Variants in AKNA observed in about 807,000 individuals in gnomAD.
AKNA encodes the protein microtubule organization protein AKNA.
Under a neutral mutation model 138.8 loss-of-function variants are expected in AKNA, and 67 were observed. The ratio of observed to expected loss-of-function variants is 0.48; its 90% confidence interval spans 0.40 to 0.59. The LOEUF is 0.59. Ranked by LOEUF, AKNA falls within the 20% of genes least tolerant of loss-of-function variation. AKNA has a pLI of 0.00. For missense variants in AKNA, 1,813 were observed against 1,880.4 expected (o/e 0.96, Z 0.66); for synonymous variants, 737 against 754.4 (o/e 0.98, Z 0.38).
chr9:114,376,685 C>G lies in AKNA; in HGVS notation c.1122G>C (p.Glu374Asp). ...VGPRVRFPKD[E>D]SYRPPKSRSH... ...TTCTGGACTTGGGGGGACGGTAGCT[C>G]TCATCTTTGGGGAATCTCACCCGGG... Residue 374 changes from glutamate (E) to aspartate (D), a missense_variant, in exon 3 of 22, where the codon GAG becomes GAC. Glu to Asp is a conservative substitution (Grantham distance 45, BLOSUM62 2). Coordinates refer to ENST00000374088, the MANE Select transcript of AKNA (RefSeq NM_001317950.2). 1.2e-6 allele frequency: 2 copies of G among 1,613,174 alleles called. No individual in the cohort carries two copies. Among genetic ancestry groups the G allele is most frequent in the East Asian group, 2.2e-5 (1 of 44,840 alleles).
At chr9:114,382,133 G>A (rs952812319) in intron 1 of AKNA, among the ~76,000 whole-genome samples, 2 of 152,190 alleles carry the variant, frequency 1.3e-5, no homozygotes, top group African/African-American at 4.8e-5. Flanking sequence ...CGATCACCAG[G>A]CAACTACAAA....
chr9:114,378,623 C>G lies in AKNA; in HGVS notation c.275-1091G>C, dbSNP rs1220602245. Among the ~76,000 whole-genome samples, 5 of 152,004 alleles carry G rather than the reference C, an allele frequency of 3.3e-5. No homozygotes were observed. The East Asian group carries it at 9.6e-4, about 29-fold the overall frequency. On this transcript the variant is annotated intron_variant, in intron 2 of 21. Coordinates refer to ENST00000374088, the MANE Select transcript of AKNA (RefSeq NM_001317950.2). ...GAGGAAGATAAGGTATATAAAGCCC[C>G]CAGGAAATAGATAGTTATTGTAATT... is the stretch of plus-strand genomic sequence containing the variant.
intron 18 of AKNA, 45 bp downstream of exon 18, chr9:114,345,818 T>G: frequency 1.3e-6 from 2 of 1,594,114 alleles, no homozygotes; most frequent in East Asian, 4.5e-5. Flanking sequence ...GAGCCCCCGC[T>G]GACACCAGGA....
chr9:114,359,751 C>T lies in AKNA; in HGVS notation c.2335G>A (p.Glu779Lys), dbSNP rs889110027. The T allele has an allele frequency of 7.5e-6, 12 of 1,602,596 alleles. No individual in the cohort carries two copies. Among genetic ancestry groups the T allele is most frequent in the Admixed American group, 1.7e-5 (1 of 59,342 alleles). Residue 779 changes from glutamate (E) to lysine (K), a missense_variant, in exon 11 of 22, where the codon GAG becomes AAG. By Grantham distance (56) the Glu-to-Lys change is moderately conservative. Coordinates refer to ENST00000374088, the MANE Select transcript of AKNA (RefSeq NM_001317950.2). The part of the protein sequence containing the change: ...KSLPEAMRME[E>K]EEEGEEEEEE... ...TCCTCCTCCTCTCCTTCTTCCTCCTCCTCCATTCTCATGGCTTCTGGGAGA... is the reference window on the plus strand; with the variant it reads ...TCCTCCTCCTCTCCTTCTTCCTCCTTCTCCATTCTCATGGCTTCTGGGAGA...
chr9:114,330,873 G>T (rs1829840685), downstream of AKNA: 2 of 1,612,292 alleles, frequency 1.2e-6, no homozygotes, highest in Non-Finnish European at 1.7e-6. Flanking sequence ...GTGAGGGCCA[G>T]CCCTCAGGCA....
chr9:114,352,942 T>C (rs1412721956), intron 14 of AKNA, among the ~76,000 whole-genome samples: 1 of 151,922 alleles, frequency 6.6e-6, no homozygotes, highest in African/African-American at 2.4e-5. Context: ...AAGATGAACC[T>C]TTTAGGCAAA....
Position 114,337,012 on chromosome 9 carries a change from T to TTGGGGGGGGGGGGGGGCCCCGC in AKNA, c.*41_*42insGCGGGGCCCCCCCCCCCCCCCA. 1 of 1,208,224 alleles carries TTGGGGGGGGGGGGGGGCCCCGC rather than the reference T, an allele frequency of 8.3e-7. No homozygotes were observed. Among genetic ancestry groups the TTGGGGGGGGGGGGGGGCCCCGC allele is most frequent in the Non-Finnish European group, 1.1e-6 (1 of 929,350 alleles). 74.8% of individuals were successfully genotyped at this position (1,208,224 alleles called of 1,614,324 possible). On this transcript the variant is annotated 3_prime_UTR_variant, in exon 22 of 22. Transcript: ENST00000374088. ...CCCACTCCTGGCCTGGCAGGCCACC[T>TTGGGGGGGGGGGGGGGCCCCGC]GCCCACCCACCCACCCATCTGCCTC...
chr9:114,339,825 GGT>G (rs1830221418), intron 21 of AKNA, among the ~76,000 whole-genome samples: 1 of 152,172 alleles, frequency 6.6e-6, no homozygotes, highest in African/African-American at 2.4e-5. Flanking sequence ...TACCGGGCGC[GGT>G]GGCTACACCT....
intron 4 of AKNA, among the ~76,000 whole-genome samples, chr9:114,371,019 G>C (rs919477636): frequency 1.3e-5 from 2 of 152,142 alleles, no homozygotes; most frequent in African/African-American, 2.4e-5. Context: ...AACAGGGGCT[G>C]GGGGGGAGGT....
upstream of AKNA, chr9:114,388,195 C>CG (rs2132141379): frequency 4.6e-6 from 1 of 216,286 alleles, no homozygotes; most frequent in South Asian, 5.2e-5. Context: ...CAGGAAAGGA[C>CG]TCAGGGAACA....
In AKNA at chr9:114,387,979, T is replaced by C. The variant is rs1314332598; in HGVS notation, c.-233A>G. 2 of 415,874 alleles carry C rather than the reference T, an allele frequency of 4.8e-6. No individual in the cohort carries two copies. Among genetic ancestry groups the C allele is most frequent in the East Asian group, 1.5e-4 (2 of 13,364 alleles). The allele number at this position is 415,874 out of a possible 1,614,324, so 25.8% of individuals were successfully genotyped here. A position where few individuals can be genotyped will look rare whatever the true frequency, so the allele number is the denominator to read the frequency against. Reference sequence around the variant, plus strand: ...TGCGCCCTGGCCCACCTCCAGGCCGTTCTGCCAGCCCAAGCTGCTGCTCAC... The same window carrying C: ...TGCGCCCTGGCCCACCTCCAGGCCGCTCTGCCAGCCCAAGCTGCTGCTCAC... On this transcript the variant is annotated 5_prime_UTR_variant, in exon 1 of 22. Transcript: ENST00000374088.
At chr9:114,374,946 C>T (rs939673756) in intron 3 of AKNA, among the ~76,000 whole-genome samples, 1 of 152,180 alleles carries the variant, frequency 6.6e-6, no homozygotes, top group Admixed American at 6.5e-5. Context: ...GCAATTAATG[C>T]AGGAATGAGA....
At chr9:114,364,308 G>T (rs1458143960) in intron 7 of AKNA, among the ~76,000 whole-genome samples, 1 of 151,980 alleles carries the variant, frequency 6.6e-6, no homozygotes, top group African/African-American at 2.4e-5. Flanking sequence ...TTTTGATGAT[G>T]ACCAAATAAA....
At chr9:114,351,593 G>A (rs897059758) in intron 14 of AKNA, among the ~76,000 whole-genome samples, 1 of 151,520 alleles carries the variant, frequency 6.6e-6, no homozygotes, top group Non-Finnish European at 1.5e-5. Flanking sequence ...CGGGAGGATT[G>A]CTTGCGCCCA....
At chr9:114,370,113 C>T (rs530712506) in intron 4 of AKNA, among the ~76,000 whole-genome samples, 1 of 152,358 alleles carries the variant, frequency 6.6e-6, no homozygotes. Context: ...CCCTGGCCCC[C>T]AGGCAAGCAG....
rs749998717 is a variant in AKNA, at chr9:114,374,064, C to G, written c.1416+29G>C. 13 of 1,551,370 alleles carry G rather than the reference C, an allele frequency of 8.4e-6. No individual in the cohort carries two copies. The African/African-American group carries it at 1.8e-4, about 21-fold the overall frequency. On this transcript the variant is annotated intron_variant, in intron 4 of 21. Transcript: ENST00000374088. Reference sequence around the variant, plus strand: ...TGTCACCTCCTCGGGGACTTGGGCCCATGCCTCCACCCCATCCCGGCCTGG... The same window carrying G: ...TGTCACCTCCTCGGGGACTTGGGCCGATGCCTCCACCCCATCCCGGCCTGG...
chr9:114,342,060 C>T lies in AKNA; in HGVS notation c.3823G>A (p.Gly1275Ser), dbSNP rs961038334. ...GCCTCTGGGGGAGACCCAACTTGAC[C>T]ACACAGGGGACACTGAAGGGTATCA... Reference protein sequence around the residue: ...PADTLQCPLCGQVGSPPEADG... With the variant: ...PADTLQCPLCSQVGSPPEADG... Residue 1275 changes from glycine (G) to serine (S), a missense_variant, in exon 20 of 22, where the codon GGT becomes AGT. Transcript: ENST00000374088. 12 of 1,613,762 alleles carry T rather than the reference C, an allele frequency of 7.4e-6. No homozygotes were observed. The Admixed American group carries it at 1.7e-4, about 22-fold the overall frequency.
In AKNA at chr9:114,362,311, C is replaced by T. The variant is rs535447198; in HGVS notation, c.1916+95G>A. ...AAGATTTCTCTCTATTCCCCGTGTA[C>T]AAATTATAAGGACAAAGTGCCTCCC... On this transcript the variant is annotated intron_variant, in intron 8 of 21. Coordinates refer to ENST00000374088, the MANE Select transcript of AKNA (RefSeq NM_001317950.2). 3.5e-6 allele frequency: 5 copies of T among 1,449,242 alleles called. No individual in the cohort carries two copies. In the Admixed American group the frequency reaches 8.2e-5, roughly 24 times the overall value. The allele number at this position is 1,449,242 out of a possible 1,614,324, so 89.8% of individuals were successfully genotyped here. A position where few individuals can be genotyped will look rare whatever the true frequency, so the allele number is the denominator to read the frequency against.
rs750181006 is a variant in AKNA at position 114,376,466 on chromosome 9, C to A, written c.1341G>T (p.Gln447His). Residue 447 changes from glutamine to histidine, a missense_variant and splice_region_variant, in exon 3 of 22, where the codon CAG becomes CAT. By Grantham distance (24) the Gln-to-His change is conservative. Coordinates refer to ENST00000374088, the MANE Select transcript of AKNA (RefSeq NM_001317950.2). ...ATCCACAGCCATGAGTCCCACTAAC[C>A]TGGAGCTGATGGACCAGCTCAGTGG... is the stretch of plus-strand genomic sequence containing the variant. ...EQATELVHQL[Q>H]EDYHRLLTKY... 6.2e-7 allele frequency: 1 copy of A among 1,613,844 alleles called. No homozygotes were observed. The highest frequency in any genetic ancestry group is 1.1e-5 in the South Asian group (1 of 91,052).
Sources: allele counts gnomAD v4.1 joint callset (sites outside exome capture counted in the v4.1 genomes callset), GRCh38; gene constraint gnomAD v4.1.1; transcripts MANE v1.5; gene names NCBI Gene and HGNC (gene_info 2026-07-23, HGNC 2026-07-21).